PTPRN2: variants seen among roughly 807,000 people sequenced by gnomAD.
PTPRN2 encodes protein tyrosine phosphatase receptor type N2.
Under a neutral mutation model 118.8 loss-of-function variants are expected in PTPRN2, and 74 were observed. The ratio of observed to expected loss-of-function variants is 0.62; its 90% confidence interval spans 0.52 to 0.76. The LOEUF is 0.76. PTPRN2 is among the 30% of genes least tolerant of loss of function. The pLI is 0.00. For synonymous variants in PTPRN2, 641 were observed against 608.0 expected (o/e 1.05, Z -0.80); for missense variants, 1,481 against 1,394.4 (o/e 1.06, Z -0.99).
intron 12 of PTPRN2, among the ~76,000 whole-genome samples, chr7:157,886,722 A>C (rs745692467): frequency 5.5e-5 from 8 of 144,286 alleles, no homozygotes; most frequent in Non-Finnish European, 1.1e-4. Context: ...TGAGAAGAGC[A>C]GTAAGCAGCA....
At chr7:158,282,699 A>C (rs796720033) in intron 3 of PTPRN2, among the ~76,000 whole-genome samples, 30 of 150,492 alleles carry the variant, frequency 2.0e-4, no homozygotes, top group African/African-American at 7.4e-4. Context: ...CAGCAGCCGG[A>C]CAGACGGCTG....
chr7:158,002,495 T>C (rs187106519), intron 11 of PTPRN2, among the ~76,000 whole-genome samples: 4 of 152,114 alleles, frequency 2.6e-5, no homozygotes, highest in Non-Finnish European at 5.9e-5. Flanking sequence ...GTGAGCCGGA[T>C]GGCAACCTGG....
rs533000115 is a variant in PTPRN2 at position 158,529,399 on chromosome 7, G to A, written c.113-39614C>T. The stretch of plus-strand genomic sequence containing the variant: ...GAGGAAGGTGGGAAGGCCCAGGGGA[G>A]GCCAGCAGGAGGACGGACTCACCAG... On this transcript the variant is annotated intron_variant, in intron 1 of 22. Transcript: ENST00000389418. This position sits in a 1 kb window ranked among gnomAD's most constrained non-coding sequence, Gnocchi z 4.7. 4.5e-4 allele frequency among the ~76,000 whole-genome samples: 68 copies of A among 152,202 alleles called. 1 individual carries two copies. The highest frequency in any genetic ancestry group is 1.2e-3 in the South Asian group (6 of 4,828).
intron 21 of PTPRN2, among the ~76,000 whole-genome samples, chr7:157,553,027 G>C (rs191788510): frequency 2.2e-4 from 33 of 152,360 alleles, no homozygotes; most frequent in Non-Finnish European, 3.5e-4. Context: ...AAGCCTTCCA[G>C]GCACGAGGAC....
intron 12 of PTPRN2, among the ~76,000 whole-genome samples, chr7:157,747,012 C>T (rs1363500635): frequency 4.0e-5 from 6 of 150,240 alleles, no homozygotes; most frequent in Non-Finnish European, 8.8e-5. Context: ...TGTCCCTGAG[C>T]TGTGGGCTGT....
chr7:157,827,714 T>C (rs10225098), intron 12 of PTPRN2, among the ~76,000 whole-genome samples: 14,878 of 152,142 alleles, frequency 0.098, 1,567 homozygotes, highest in African/African-American at 0.25. Context: ...TGGGGTGCCT[T>C]GGAGGAGGGC....
At chr7:157,900,202 C>T (rs2128752465) in intron 11 of PTPRN2, among the ~76,000 whole-genome samples, 1 of 152,326 alleles carries the variant, frequency 6.6e-6, no homozygotes, top group Middle Eastern at 3.4e-3. Context: ...CAGGTAACAA[C>T]TGGGTCAGGC....
At chr7:158,040,491 A>T (rs1339672457) in intron 11 of PTPRN2, among the ~76,000 whole-genome samples, 2 of 152,226 alleles carry the variant, frequency 1.3e-5, no homozygotes, top group Non-Finnish European at 2.9e-5. Context: ...ACAAAGCCAG[A>T]GAGGGGGGAA....
intron 2 of PTPRN2, among the ~76,000 whole-genome samples, chr7:158,381,410 G>C (rs1008240869): frequency 6.6e-6 from 1 of 152,194 alleles, no homozygotes; most frequent in African/African-American, 2.4e-5. Flanking sequence ...AATGCTGCCA[G>C]TCTATTTGCT....
chr7:158,157,747 A>ACCC lies in PTPRN2; in HGVS notation c.910+9181_910+9183dup, dbSNP rs113485142. Among the ~76,000 whole-genome samples, 864 of 151,862 alleles carry ACCC rather than the reference A, an allele frequency of 5.7e-3. 6 individuals carry two copies. Among genetic ancestry groups the ACCC allele is most frequent in the African/African-American group, 0.02 (831 of 41,400 alleles). On this transcript the variant is annotated intron_variant, in intron 6 of 22. Coordinates refer to ENST00000389418, the MANE Select transcript of PTPRN2 (RefSeq NM_002847.5). The stretch of plus-strand genomic sequence containing the variant: ...TTCCCGCTATATAAGCCACAGAGTG[A>ACCC]CCCCCCCAGCACCCCGGGTGCCCTC...
chr7:158,026,865 G>A (rs1393493500), intron 11 of PTPRN2, among the ~76,000 whole-genome samples: 4 of 152,362 alleles, frequency 2.6e-5, no homozygotes, highest in South Asian at 2.1e-4. Context: ...GCAGGGCTGC[G>A]TGAACACAGG....
rs1454470286 is a variant in PTPRN2 at position 157,977,049 on chromosome 7, T to A, written c.1724-78312A>T. Among the ~76,000 whole-genome samples the A allele has an allele frequency of 6.6e-6, 1 of 151,872 alleles. No homozygotes were observed. Among genetic ancestry groups the A allele is most frequent in the Non-Finnish European group, 1.5e-5 (1 of 67,944 alleles). ...AAAGCCATAAACACAGTAGTTTCCA[T>A]GAAAAACTATGAGTAGGTATGGAAA... is the stretch of plus-strand genomic sequence containing the variant. On this transcript the variant is annotated intron_variant, in intron 11 of 22. Transcript: ENST00000389418. The surrounding 1 kb of genome is among the most constrained non-coding windows in gnomAD (Gnocchi z 4.6).
chr7:158,134,359 T>A (rs1392578952), intron 8 of PTPRN2, among the ~76,000 whole-genome samples: 1 of 152,180 alleles, frequency 6.6e-6, no homozygotes, highest in Non-Finnish European at 1.5e-5. Flanking sequence ...GTAGAGTTTG[T>A]GTAGGTCTTT....
intron 2 of PTPRN2, among the ~76,000 whole-genome samples, chr7:158,332,709 G>C (rs1320176455): frequency 2.7e-5 from 4 of 150,420 alleles, no homozygotes; most frequent in Admixed American, 1.3e-4. Flanking sequence ...GACACCTGCA[G>C]ATGTCACTTA....
intron 2 of PTPRN2, among the ~76,000 whole-genome samples, chr7:158,464,806 C>A (rs1819276570): frequency 6.6e-6 from 1 of 152,112 alleles, no homozygotes. Flanking sequence ...CATTGGCATG[C>A]CATTTAGTAA....
chr7:157,621,647 CGTT>C (rs1230611550), intron 14 of PTPRN2, 138 bp from the exon 15 acceptor site: 45 of 1,049,632 alleles, frequency 4.3e-5, no homozygotes, highest in Non-Finnish European at 5.9e-5. Flanking sequence ...CATGGTGCGA[CGTT>C]GTGCTACGGT....
Position 158,244,243 on chromosome 7 carries a change from G to A in PTPRN2, c.278-38970C>T, listed in dbSNP as rs1032037374. ...CTAGCTCCTGCTTCTTCACTCAGAAGTGCAGGAAACTGACCTTCCCATTAA... is the reference window on the plus strand; with the variant it reads ...CTAGCTCCTGCTTCTTCACTCAGAAATGCAGGAAACTGACCTTCCCATTAA... On this transcript the variant is annotated intron_variant, in intron 3 of 22. Transcript: ENST00000389418. Among the ~76,000 whole-genome samples the A allele has an allele frequency of 1.3e-4, 8 of 62,672 alleles. No homozygotes were observed. The South Asian group carries it at 4.3e-3, about 33-fold the overall frequency. The allele number at this position is 62,672 out of a possible 152,430, so 41.1% of individuals were successfully genotyped here.
chr7:157,681,332 T>C lies in PTPRN2; in HGVS notation c.2001+1393A>G, dbSNP rs184365335. Among the ~76,000 whole-genome samples the C allele has an allele frequency of 3.4e-3, 517 of 152,362 alleles. 2 individuals are homozygous for C. Among genetic ancestry groups the C allele is most frequent in the African/African-American group, 0.012 (502 of 41,592 alleles). ...ATCCTACATTGAAGGTCTTGCTCAA[T>C]GGAATTTCTGGATAAATTCTTACTA... On this transcript the variant is annotated intron_variant, in intron 13 of 22. Transcript: ENST00000389418.
At chr7:158,352,790 C>CA (rs760592815) in intron 2 of PTPRN2, among the ~76,000 whole-genome samples, 2 of 152,270 alleles carry the variant, frequency 1.3e-5, no homozygotes, top group Non-Finnish European at 2.9e-5. Flanking sequence ...TCAATCCCTT[C>CA]AATCTAAATG....
Sources: allele counts gnomAD v4.1 joint callset (sites outside exome capture counted in the v4.1 genomes callset), GRCh38; gene constraint gnomAD v4.1.1; non-coding constraint Gnocchi (gnomAD v3.1); transcripts MANE v1.5; gene names NCBI Gene and HGNC (gene_info 2026-07-23, HGNC 2026-07-21).